Variants in TET1 observed in about 807,000 individuals in gnomAD.
The protein encoded by TET1 is tet methylcytosine dioxygenase 1.
TET1 carries 13 observed loss-of-function variants against 148.7 expected under a neutral mutation model. The observed-to-expected ratio is 0.09, with a 90% confidence interval of 0.06 to 0.14. TET1 has a LOEUF of 0.14. TET1 is among the 10% of genes least tolerant of loss of function. The pLI is 1.00. For synonymous variants in TET1, 907 were observed against 937.2 expected, an observed-to-expected ratio of 0.97 and a Z score of 0.59; for missense variants, 2,182 against 2,553.8, an observed-to-expected ratio of 0.85 and a Z score of 3.14.
At chr10:68,623,248 G>A (rs1014542214) in intron 3 of TET1, among the ~76,000 whole-genome samples, 1 of 152,054 alleles carries the variant, frequency 6.6e-6, no homozygotes, top group Admixed American at 6.6e-5. Flanking sequence ...AAATTCTACT[G>A]TAAAAAAAGT....
At chr10:68,615,922 C>T (rs1320321532) in intron 3 of TET1, among the ~76,000 whole-genome samples, 1 of 152,224 alleles carries the variant, frequency 6.6e-6, no homozygotes, top group Non-Finnish European at 1.5e-5. Context: ...GCTGGGATTA[C>T]AGGCATAAGC....
At chr10:68,652,739 A>C (rs1809344303) in intron 6 of TET1, 145 bp downstream of exon 6, 1 of 509,720 alleles carries the variant, frequency 2.0e-6, no homozygotes, top group African/African-American at 2.0e-5. Context: ...CCCCGGCTGG[A>C]TTGCAGTGGT....
chr10:68,563,675 A>G (rs942997698), intron 1 of TET1, among the ~76,000 whole-genome samples: 18 of 152,194 alleles, frequency 1.2e-4, no homozygotes, highest in African/African-American at 2.4e-5. Context: ...GTTGCTGTCA[A>G]TACTGGCTTT....
At chr10:68,638,363 T>C (rs1290085002) in intron 3 of TET1, among the ~76,000 whole-genome samples, 2 of 152,224 alleles carry the variant, frequency 1.3e-5, no homozygotes, top group Non-Finnish European at 2.9e-5. Flanking sequence ...TTTCACATAA[T>C]ACTTTGTTAA....
intron 3 of TET1, among the ~76,000 whole-genome samples, chr10:68,641,644 G>C (rs796842193): frequency 7.0e-6 from 1 of 143,210 alleles, no homozygotes; most frequent in African/African-American, 2.6e-5. Flanking sequence ...GACTACAGGC[G>C]TACGCCACCC....
intron 3 of TET1, among the ~76,000 whole-genome samples, chr10:68,605,438 C>T (rs1427439348): frequency 1.3e-5 from 2 of 152,068 alleles, no homozygotes; most frequent in African/African-American, 2.4e-5. Flanking sequence ...CAAAAATTGC[C>T]GAGATGATGA....
chr10:68,653,760 C>T (rs1307662084), intron 6 of TET1, among the ~76,000 whole-genome samples: 1 of 152,128 alleles, frequency 6.6e-6, no homozygotes, highest in East Asian at 1.9e-4. Context: ...ACGATGGTCT[C>T]CTTACTTTGT....
rs778770592 is a variant in TET1, at chr10:68,573,440, G to C, written c.1102G>C (p.Ala368Pro). Residue 368 changes from alanine (A) to proline (P), a missense_variant, in exon 2 of 12, where the codon GCC becomes CCC. Coordinates refer to ENST00000373644, the MANE Select transcript of TET1 (RefSeq NM_030625.3). ...VSDTTSFLGQAFGAIPHQWEL... is the reference protein window; with the variant it reads ...VSDTTSFLGQPFGAIPHQWEL... ...TGATACCACCTCTTTCCTAGGACAG[G>C]CCTTTGGTGCTATCCCACATCAATG... 12 of 1,614,118 alleles carry C rather than the reference G, an allele frequency of 7.4e-6. No individual in the cohort carries two copies. Among genetic ancestry groups the C allele is most frequent in the East Asian group, 2.2e-5 (1 of 44,878 alleles).
At position 68,573,701 on chromosome 10, in the gene TET1, A is replaced by G. The variant is rs766013288; in HGVS notation, c.1363A>G (p.Thr455Ala). The change falls in exon 2 of 12, where the codon ACT (threonine) becomes GCT (alanine). Residue 455 changes from threonine (T) to alanine (A), a missense_variant. This residue lies in a region of TET1 where 665 missense variants were observed against 672.4 expected (regional missense o/e 0.99). Transcript: ENST00000373644. Reference protein sequence around the residue: ...APSKWPEPQSTVSYGLAVQGA... With the variant: ...APSKWPEPQSAVSYGLAVQGA... ...TTCCAAATGGCCTGAGCCCCAAAGC[A>G]CTGTCTCATATGGACTTGCAGTCCA... The G allele has an allele frequency of 1.2e-6, 2 of 1,614,050 alleles. No individual in the cohort carries two copies. Among genetic ancestry groups the G allele is most frequent in the Admixed American group, 1.7e-5 (1 of 60,012 alleles).
intron 3 of TET1, among the ~76,000 whole-genome samples, chr10:68,643,021 G>T (rs891963015): frequency 1.3e-5 from 2 of 151,994 alleles, no homozygotes; most frequent in Non-Finnish European, 2.9e-5. Flanking sequence ...ACTTTGGGAG[G>T]TCAAGGTGAG....
intron 8 of TET1, among the ~76,000 whole-genome samples, chr10:68,675,425 T>C (rs897353015): frequency 2.6e-5 from 4 of 152,172 alleles, no homozygotes; most frequent in Non-Finnish European, 4.4e-5. Context: ...GGTGGAAGAA[T>C]GATAAAATCG....
chr10:68,692,453 A>C lies in TET1; in HGVS notation c.*639A>C. 4.3e-6 allele frequency: 1 copy of C among 232,192 alleles called. No homozygotes were observed. Among genetic ancestry groups the C allele is most frequent in the Non-Finnish European group, 8.5e-6 (1 of 117,152 alleles). 14.4% of individuals were successfully genotyped at this position (232,192 alleles called of 1,614,324 possible). On this transcript the variant is annotated 3_prime_UTR_variant, in exon 12 of 12. Coordinates refer to ENST00000373644, the MANE Select transcript of TET1 (RefSeq NM_030625.3). ...TTTAAAAGCACTTTCTATTTTTAAA[A>C]GTAACTTGAAATAATATAGTATAAG...
intron 1 of TET1, among the ~76,000 whole-genome samples, chr10:68,561,130 G>A (rs916091393): frequency 3.3e-5 from 5 of 152,112 alleles, no homozygotes; most frequent in Non-Finnish European, 5.9e-5. Flanking sequence ...TGGTTCCCTG[G>A]CCCCTTTGGG....
chr10:68,673,935 C>CTTTTTTTTTTTTTCTT (rs11381293), intron 8 of TET1, among the ~76,000 whole-genome samples: 1 of 120,286 alleles, frequency 8.3e-6, no homozygotes, highest in Non-Finnish European at 1.7e-5. Flanking sequence ...CTTTCTTTTT[C>CTTTTTTTTTTTTTCTT]TTTTTTTTTT....
At chr10:68,636,467 C>T (rs963543481) in intron 3 of TET1, among the ~76,000 whole-genome samples, 6 of 152,240 alleles carry the variant, frequency 3.9e-5, no homozygotes, top group Admixed American at 6.5e-5. Flanking sequence ...AAAGTAATCC[C>T]AGCACTTTGG....
Sources: gnomAD v4.1 joint callset for allele counts (sites outside exome capture counted in the v4.1 genomes callset) on GRCh38, gnomAD v4.1.1 for gene constraint, gnomAD v4.1.1 regional missense constraint, MANE v1.5 for transcripts, NCBI Gene and HGNC (gene_info 2026-07-23, HGNC 2026-07-21) for gene names.